Variants in LEPROT observed in about 807,000 individuals in gnomAD.
The protein encoded by LEPROT is leptin receptor gene-related protein.
A neutral mutation model predicts 15.4 loss-of-function variants in LEPROT; 3 were observed. That is an observed-to-expected ratio of 0.19 (90% CI 0.09 to 0.50). LEPROT has a LOEUF of 0.50. Among genes scored for constraint, LEPROT ranks in the 20% least tolerant of loss-of-function variants. The pLI, the probability that LEPROT is intolerant of heterozygous loss-of-function variation, is 0.97. For missense variants in LEPROT, 137 were observed against 162.2 expected (o/e 0.84, Z 0.84); for synonymous variants, 59 against 57.5 (o/e 1.03, Z -0.12).
rs999621499 is a variant in LEPROT, at chr1:65,432,162, G to C, written c.*243G>C. 1.7e-6 allele frequency: 2 copies of C among 1,150,030 alleles called. No individual in the cohort carries two copies. Among genetic ancestry groups the C allele is most frequent in the African/African-American group, 3.3e-5 (2 of 61,388 alleles). 71.2% of individuals were successfully genotyped at this position (1,150,030 alleles called of 1,614,324 possible). A position where few individuals can be genotyped will look rare whatever the true frequency, so the allele number is the denominator to read the frequency against. The stretch of plus-strand genomic sequence containing the variant: ...CTTGTTTGGCTGTTCATGTAGTCAC[G>C]GTGCTCTCAGAAAATATATTAACGC... On this transcript the variant is annotated 3_prime_UTR_variant, in exon 4 of 4. Coordinates refer to ENST00000371065, the MANE Select transcript of LEPROT (RefSeq NM_017526.5).
In LEPROT at chr1:65,433,262, A is replaced by G. The variant is rs1646513502; in HGVS notation, c.*1343A>G. 1 of 985,264 alleles carries G rather than the reference A, an allele frequency of 1.0e-6. No individual in the cohort carries two copies. Among genetic ancestry groups the G allele is most frequent in the South Asian group, 4.7e-5 (1 of 21,284 alleles). 61.0% of individuals were successfully genotyped at this position (985,264 alleles called of 1,614,324 possible). A position where few individuals can be genotyped will look rare whatever the true frequency, so the allele number is the denominator to read the frequency against. ...AGATATAGGAGCCATGTAAGCACGCAGTGGGTGAACTGCTTAATTTCACTA... is the reference window on the plus strand; with the variant it reads ...AGATATAGGAGCCATGTAAGCACGCGGTGGGTGAACTGCTTAATTTCACTA... On this transcript the variant is annotated 3_prime_UTR_variant, in exon 4 of 4. Transcript: ENST00000371065.
rs778876077 is a variant in LEPROT, at chr1:65,431,893, G to A, written c.370G>A (p.Asp124Asn). 13 of 1,613,964 alleles carry A rather than the reference G, an allele frequency of 8.1e-6. No individual in the cohort carries two copies. In the South Asian group the frequency reaches 1.3e-4, roughly 16 times the overall value. Residue 124 changes from aspartate to asparagine, a missense_variant, in exon 4 of 4, where the codon GAT becomes AAT. Coordinates refer to ENST00000371065, the MANE Select transcript of LEPROT (RefSeq NM_017526.5). Reference sequence around the variant, plus strand: ...GTTTTTCCTTATATTTGGAAGAGGAGATGATTTTAGCTGGGAGCAGTGGTA... The same window carrying A: ...GTTTTTCCTTATATTTGGAAGAGGAAATGATTTTAGCTGGGAGCAGTGGTA... ...QGFFLIFGRG[D>N]DFSWEQW
In LEPROT at chr1:65,425,463, A is replaced by G. The variant is rs188758334; in HGVS notation, c.92+85A>G. On this transcript the variant is annotated intron_variant, in intron 2 of 3. Transcript: ENST00000371065. Reference sequence around the variant, plus strand: ...GGGTGTTAGAGAGTTCGGTCAATTTAGCACCAAGTTCTAACCAGTGAGTTA... The same window carrying G: ...GGGTGTTAGAGAGTTCGGTCAATTTGGCACCAAGTTCTAACCAGTGAGTTA... 4 of 1,175,924 alleles carry G rather than the reference A, an allele frequency of 3.4e-6. No individual in the cohort carries two copies. In the East Asian group the frequency reaches 1.0e-4, roughly 30 times the overall value. The allele number at this position is 1,175,924 out of a possible 1,614,324, so 72.8% of individuals were successfully genotyped here.
At position 65,432,501 on chromosome 1, in the gene LEPROT, C is replaced by T. The variant is rs1646499852; in HGVS notation, c.*582C>T. On this transcript the variant is annotated 3_prime_UTR_variant, in exon 4 of 4. Coordinates refer to ENST00000371065, the MANE Select transcript of LEPROT (RefSeq NM_017526.5). ...ATCATAGAGAAGTAAACATCACACC[C>T]AACTTCCTTATCTTTCCAGTGGCTA... 10 of 628,628 alleles carry T rather than the reference C, an allele frequency of 1.6e-5. No homozygotes were observed. The highest frequency in any genetic ancestry group is 1.2e-5 in the Non-Finnish European group (6 of 504,290). 38.9% of individuals were successfully genotyped at this position (628,628 alleles called of 1,614,324 possible).
chr1:65,432,101 C>T lies in LEPROT; in HGVS notation c.*182C>T. ...TGAGTTTTATTCTCAGCAAATAGAC[C>T]TGTCAAATTTAGATTATGTTACTCA... On this transcript the variant is annotated 3_prime_UTR_variant, in exon 4 of 4. Transcript: ENST00000371065. 7.7e-7 allele frequency: 1 copy of T among 1,297,274 alleles called. No individual in the cohort carries two copies. Among genetic ancestry groups the T allele is most frequent in the Non-Finnish European group, 9.8e-7 (1 of 1,023,782 alleles). 80.4% of individuals were successfully genotyped at this position (1,297,274 alleles called of 1,614,324 possible).
rs557561963 is a variant in LEPROT, at chr1:65,434,963, A to G, written c.*3044A>G. The G allele has an allele frequency of 7.3e-5, 72 of 985,484 alleles. No homozygotes were observed. Among genetic ancestry groups the G allele is most frequent in the South Asian group, 5.2e-4 (11 of 21,274 alleles). The allele number at this position is 985,484 out of a possible 1,614,324, so 61.0% of individuals were successfully genotyped here. On this transcript the variant is annotated 3_prime_UTR_variant, in exon 4 of 4. Coordinates refer to ENST00000371065, the MANE Select transcript of LEPROT (RefSeq NM_017526.5). ...CTCCACATCTGAAATTCCTTTTGAC[A>G]CCTGCATTGGGCCGACTGCCATTCC...
At chr1:65,421,455 T>G in intron 1 of LEPROT, 1 of 1,536,134 alleles carries the variant, frequency 6.5e-7, no homozygotes, top group Non-Finnish European at 8.7e-7. Flanking sequence ...GCTTCCTGTA[T>G]TTTGGTAGGA....
chr1:65,421,394 C>G, intron 1 of LEPROT: 1 of 1,536,022 alleles, frequency 6.5e-7, no homozygotes, highest in Non-Finnish European at 8.7e-7. Context: ...CACCGCGTCC[C>G]TTATCTGTAT....
chr1:65,426,713 A>G (rs953359951), intron 2 of LEPROT, among the ~76,000 whole-genome samples: 3 of 152,144 alleles, frequency 2.0e-5, no homozygotes, highest in African/African-American at 7.2e-5. Context: ...AGATGATGTG[A>G]TTAGGCCAGG....
chr1:65,430,826 C>T (rs1001107615), intron 3 of LEPROT, among the ~76,000 whole-genome samples: 19 of 152,242 alleles, frequency 1.2e-4, no homozygotes, highest in African/African-American at 4.1e-4. Context: ...CTAAGTGAGA[C>T]GGTTGAAGCA....
intron 1 of LEPROT, among the ~76,000 whole-genome samples, chr1:65,422,693 C>T (rs965420035): frequency 2.6e-5 from 4 of 152,198 alleles, no homozygotes; most frequent in African/African-American, 4.8e-5. Flanking sequence ...CGTGACATGG[C>T]GCAGGGCTTA....
Position 65,431,813 on chromosome 1 carries a change from G to T in LEPROT, c.290G>T (p.Gly97Val). ...TTTCTTGTCTTTCAGATCAAATGGG[G>T]AGCCTGCGGCCTTGTGTTGGCAGGC... ...ILARVAVIKW[G>V]ACGLVLAGNA... is the part of the protein sequence containing the mutation. The change falls in exon 4 of 4, where the codon GGA (glycine) becomes GTA (valine). Residue 97 changes from glycine to valine, a missense_variant. Physicochemically the swap from Gly to Val is moderately radical, Grantham distance 109. Coordinates refer to ENST00000371065, the MANE Select transcript of LEPROT (RefSeq NM_017526.5). 6.2e-7 allele frequency: 1 copy of T among 1,612,776 alleles called. No individual in the cohort carries two copies. The highest frequency in any genetic ancestry group is 8.5e-7 in the Non-Finnish European group (1 of 1,179,512).
chr1:65,430,029 T>A lies in LEPROT; in HGVS notation c.260T>A (p.Ile87Asn). 1.3e-6 allele frequency: 2 copies of A among 1,560,914 alleles called. No homozygotes were observed. The highest frequency in any genetic ancestry group is 1.3e-5 in the African/African-American group (1 of 74,204). ...GTTTCTGCCTTTGGATTTCCTGTTA[T>A]TCTTGCTCGTGTGGCTGTGGTAAGT... ...IVVSAFGFPVILARVAVIKWG... is the reference protein window; with the variant it reads ...IVVSAFGFPVNLARVAVIKWG... Residue 87 changes from isoleucine (I) to asparagine (N), a missense_variant, in exon 3 of 4, where the codon ATT (isoleucine) becomes AAT (asparagine). Ile to Asn is a moderately radical substitution (Grantham distance 149). Coordinates refer to ENST00000371065, the MANE Select transcript of LEPROT (RefSeq NM_017526.5).
intron 1 of LEPROT, among the ~76,000 whole-genome samples, chr1:65,423,589 C>T (rs1397432230): frequency 6.6e-6 from 1 of 152,178 alleles, no homozygotes; most frequent in Non-Finnish European, 1.5e-5. Context: ...TCCATCCACA[C>T]ATGGGCATTT....
chr1:65,422,628 C>T (rs1212480064), intron 1 of LEPROT, among the ~76,000 whole-genome samples: 4 of 152,236 alleles, frequency 2.6e-5, no homozygotes, highest in Non-Finnish European at 4.4e-5. Context: ...AATGTGGCTT[C>T]CCTTGGCAAG....
intron 1 of LEPROT, among the ~76,000 whole-genome samples, chr1:65,422,456 G>C (rs1173056801): frequency 6.6e-6 from 1 of 152,218 alleles, no homozygotes; most frequent in African/African-American, 2.4e-5. Context: ...CCAGCCTCCA[G>C]AACTGTCAGA....
At chr1:65,428,637 C>T (rs1451159359) in intron 2 of LEPROT, among the ~76,000 whole-genome samples, 1 of 152,090 alleles carries the variant, frequency 6.6e-6, no homozygotes, top group Admixed American at 6.6e-5. Flanking sequence ...ATCCCAACTC[C>T]TGCTTGTAGG....
At chr1:65,425,169 C>G in intron 1 of LEPROT, 134 bp from the exon 2 acceptor site, 1 of 695,034 alleles carries the variant, frequency 1.4e-6, no homozygotes, top group Non-Finnish European at 2.5e-6. Context: ...TCACTACTAT[C>G]TAATTCCAGA....
In LEPROT at chr1:65,435,949, C is replaced by A; in HGVS notation, c.*4030C>A. 1 of 985,148 alleles carries A rather than the reference C, an allele frequency of 1.0e-6. No homozygotes were observed. The highest frequency in any genetic ancestry group is 1.7e-5 in the African/African-American group (1 of 57,292). The allele number at this position is 985,148 out of a possible 1,614,324, so 61.0% of individuals were successfully genotyped here. Reference sequence around the variant, plus strand: ...GCGTACAACAGTGATACATGTAACCCCAAATGTGATGTGAGAGGACGATTA... The same window carrying A: ...GCGTACAACAGTGATACATGTAACCACAAATGTGATGTGAGAGGACGATTA... On this transcript the variant is annotated 3_prime_UTR_variant, in exon 4 of 4. Transcript: ENST00000371065.
Sources: allele counts gnomAD v4.1 joint callset (sites outside exome capture counted in the v4.1 genomes callset), GRCh38; gene constraint gnomAD v4.1.1; transcripts MANE v1.5; gene names NCBI Gene and HGNC (gene_info 2026-07-23, HGNC 2026-07-21).